The following PLPPR4 variants were observed in gnomAD, a reference collection of about 807,000 sequenced individuals.
PLPPR4 encodes phospholipid phosphatase related 4.
PLPPR4 carries 24 observed loss-of-function variants against 56.6 expected under a neutral mutation model. The observed-to-expected ratio is 0.42, with a 90% CI of 0.31 to 0.60. The LOEUF (loss-of-function observed/expected upper bound fraction) is 0.60, where lower values mean the gene tolerates loss of function less well. PLPPR4 is among the 20% of genes least tolerant of loss of function. The pLI, the probability that PLPPR4 is intolerant of heterozygous loss-of-function variation, is 0.13. For synonymous variants in PLPPR4, 326 were observed against 328.1 expected (o/e 0.99, Z 0.07); for missense variants, 654 against 885.8 (o/e 0.74, Z 3.32).
intron 1 of PLPPR4, among the ~76,000 whole-genome samples, chr1:99,277,314 G>GA (rs1232825318): frequency 6.6e-6 from 1 of 152,128 alleles, no homozygotes; most frequent in East Asian, 1.9e-4. Flanking sequence ...ACTCTTGTCT[G>GA]CAGCCAATCT....
At chr1:99,296,563 C>T (rs754661989) in intron 2 of PLPPR4, among the ~76,000 whole-genome samples, 175 bp from the exon 3 acceptor site, 7 of 152,204 alleles carry the variant, frequency 4.6e-5, no homozygotes, top group Non-Finnish European at 8.8e-5. Context: ...ACTTACTTCT[C>T]ACTGCTTGAT....
intron 1 of PLPPR4, among the ~76,000 whole-genome samples, chr1:99,265,316 A>G (rs373174663): frequency 6.6e-6 from 1 of 152,148 alleles, no homozygotes; most frequent in South Asian, 2.1e-4. Flanking sequence ...TTTTAAATCT[A>G]TGACATCATC....
chr1:99,290,477 A>G, intron 2 of PLPPR4, among the ~76,000 whole-genome samples: 1 of 152,138 alleles, frequency 6.6e-6, no homozygotes, highest in East Asian at 1.9e-4. Context: ...AAGACCCCAA[A>G]GAGCCAAGGT....
chr1:99,298,536 ACTT>A (rs1570921973), intron 3 of PLPPR4, among the ~76,000 whole-genome samples: 1 of 152,012 alleles, frequency 6.6e-6, no homozygotes, highest in Non-Finnish European at 1.5e-5. Context: ...GGCCTGTCTG[ACTT>A]CTTCTCTGTT....
At chr1:99,275,485 C>T (rs1356147722) in intron 1 of PLPPR4, among the ~76,000 whole-genome samples, 1 of 152,088 alleles carries the variant, frequency 6.6e-6, no homozygotes, top group Non-Finnish European at 1.5e-5. Flanking sequence ...ATGCAAATAG[C>T]TGAGAGCAGA....
chr1:99,300,018 C>T (rs1030785123), intron 4 of PLPPR4, among the ~76,000 whole-genome samples: 1 of 151,902 alleles, frequency 6.6e-6, no homozygotes, highest in African/African-American at 2.4e-5. Flanking sequence ...AATAGGTACA[C>T]CTGAATAATT....
intron 3 of PLPPR4, among the ~76,000 whole-genome samples, chr1:99,297,703 C>G (rs757568851): frequency 6.6e-6 from 1 of 151,910 alleles, no homozygotes; most frequent in Non-Finnish European, 1.5e-5. Flanking sequence ...TAACTCATGC[C>G]CCAGACTCTG....
chr1:99,274,983 T>C (rs1245487656), intron 1 of PLPPR4, among the ~76,000 whole-genome samples: 3 of 152,196 alleles, frequency 2.0e-5, no homozygotes, highest in Non-Finnish European at 2.9e-5. Context: ...ATGAGTCATC[T>C]CATTTAGGCT....
At chr1:99,287,683 C>T (rs1039611070) in intron 1 of PLPPR4, among the ~76,000 whole-genome samples, 1 of 151,950 alleles carries the variant, frequency 6.6e-6, no homozygotes, top group Non-Finnish European at 1.5e-5. Context: ...CTACAAGACC[C>T]TTTGGAATGC....
At chr1:99,264,424 G>C, upstream of PLPPR4, 2 of 1,459,636 alleles carry the variant, frequency 1.4e-6, no homozygotes, top group Non-Finnish European at 1.8e-6. Flanking sequence ...CTGCAAAAAG[G>C]GGCGGGGAGA....
At chr1:99,279,124 C>T (rs1188780778) in intron 1 of PLPPR4, among the ~76,000 whole-genome samples, 1 of 152,134 alleles carries the variant, frequency 6.6e-6, no homozygotes, top group Non-Finnish European at 1.5e-5. Flanking sequence ...ATATTGGGGA[C>T]ACCTAGTATG....
intron 1 of PLPPR4, among the ~76,000 whole-genome samples, chr1:99,275,533 G>A (rs113135256): frequency 2.6e-4 from 39 of 152,272 alleles, no homozygotes; most frequent in Middle Eastern, 3.4e-3. Flanking sequence ...TCGTCGTTGC[G>A]TAGGTCAATA....
upstream of PLPPR4, among the ~76,000 whole-genome samples, chr1:99,263,739 C>T (rs1017183965): frequency 3.9e-5 from 6 of 152,088 alleles, no homozygotes; most frequent in South Asian, 2.1e-4. Context: ...GTTATGATTG[C>T]AATACTGACA....
At chr1:99,292,924 CCT>C (rs1316157792) in intron 2 of PLPPR4, among the ~76,000 whole-genome samples, 1 of 152,084 alleles carries the variant, frequency 6.6e-6, no homozygotes, top group Non-Finnish European at 1.5e-5. Context: ...AACTCCTTTC[CCT>C]CTCTCTTCCT....
At chr1:99,301,347 T>C (rs939722043) in intron 5 of PLPPR4, among the ~76,000 whole-genome samples, 10 of 151,790 alleles carry the variant, frequency 6.6e-5, no homozygotes, top group Admixed American at 5.9e-4. Context: ...TCTGTAACAA[T>C]AAGTTTTAGG....
At chr1:99,264,442 G>A (rs1043460328), upstream of PLPPR4, 1 of 1,474,592 alleles carries the variant, frequency 6.8e-7, no homozygotes, top group Non-Finnish European at 8.9e-7. Context: ...AGAAGGCGGG[G>A]GCGCTGCATG....
Position 99,306,267 on chromosome 1 carries a change from C to A in PLPPR4, c.1405C>A (p.Pro469Thr), listed in dbSNP as rs577187319. 1.2e-6 allele frequency: 2 copies of A among 1,614,146 alleles called. No individual in the cohort carries two copies. The highest frequency in any genetic ancestry group is 1.7e-6 in the Non-Finnish European group (2 of 1,180,010). ...GAVPGCNNSM[P>T]GGPRVSIQSR... is the part of the protein sequence containing the mutation. Reference sequence around the variant, plus strand: ...TGTCCCCGGATGTAACAACAGCATGCCTGGAGGGCCAAGAGTGTCCATTCA... The same window carrying A: ...TGTCCCCGGATGTAACAACAGCATGACTGGAGGGCCAAGAGTGTCCATTCA... The change falls in exon 7 of 7, where the codon CCT (proline) becomes ACT (threonine). Residue 469 changes from proline (P) to threonine (T), a missense_variant. Coordinates refer to ENST00000370185, the MANE Select transcript of PLPPR4 (RefSeq NM_014839.5). This position sits in a 1 kb window ranked among gnomAD's most constrained non-coding sequence, Gnocchi z 4.0.
chr1:99,278,085 A>G (rs1659236714), intron 1 of PLPPR4, among the ~76,000 whole-genome samples: 1 of 152,102 alleles, frequency 6.6e-6, no homozygotes, highest in African/African-American at 2.4e-5. Context: ...AAAAAGAAAT[A>G]TTCTCTTTTT....
chr1:99,275,527 C>T (rs1309206794), intron 1 of PLPPR4, among the ~76,000 whole-genome samples: 6 of 152,110 alleles, frequency 3.9e-5, no homozygotes, highest in South Asian at 2.1e-4. Context: ...ATGGATTCGT[C>T]GTTGCGTAGG....
Sources: gnomAD v4.1 joint callset for allele counts (sites outside exome capture counted in the v4.1 genomes callset) on GRCh38, gnomAD v4.1.1 for gene constraint, Gnocchi (gnomAD v3.1) non-coding constraint, MANE v1.5 for transcripts, NCBI Gene and HGNC (gene_info 2026-07-23, HGNC 2026-07-21) for gene names.